Variants in DCC observed in about 807,000 individuals in gnomAD.
The protein encoded by DCC is netrin receptor DCC.
DCC carries 58 observed loss-of-function variants against 172.5 expected under a neutral mutation model. That is an observed-to-expected ratio of 0.34 (90% CI 0.27 to 0.42). The LOEUF (loss-of-function observed/expected upper bound fraction) is 0.42, where lower values mean the gene tolerates loss of function less well. DCC is among the 10% of genes least tolerant of loss of function. The pLI, the probability that DCC is intolerant of heterozygous loss-of-function variation, is 1.00. For missense variants in DCC, 1,740 were observed against 1,791.0 expected, an observed-to-expected ratio of 0.97 and a Z score of 0.51; for synonymous variants, 709 against 644.5, an observed-to-expected ratio of 1.10 and a Z score of -1.52.
intron 17 of DCC, among the ~76,000 whole-genome samples, chr18:53,396,534 C>A (rs553524599): frequency 7.2e-5 from 11 of 152,298 alleles, no homozygotes; most frequent in African/African-American, 2.4e-4. Flanking sequence ...ATCCAAATTG[C>A]TGTTCCTTCC....
intron 5 of DCC, among the ~76,000 whole-genome samples, chr18:52,947,240 A>T (rs1271814915): frequency 6.6e-6 from 1 of 152,222 alleles, no homozygotes; most frequent in South Asian, 2.1e-4. Flanking sequence ...AACATCTTTA[A>T]TTTGTAAAAA....
At chr18:52,977,065 C>G (rs2041130340) in intron 5 of DCC, among the ~76,000 whole-genome samples, 1 of 152,052 alleles carries the variant, frequency 6.6e-6, no homozygotes, top group Admixed American at 6.6e-5. Flanking sequence ...CTCAAAATGC[C>G]CTAGTCTAGG....
At chr18:52,901,554 G>T (rs929385268) in intron 2 of DCC, among the ~76,000 whole-genome samples, 1 of 152,156 alleles carries the variant, frequency 6.6e-6, no homozygotes, top group African/African-American at 2.4e-5. Flanking sequence ...CCATTATGAA[G>T]ATTAAATAAG....
intron 5 of DCC, among the ~76,000 whole-genome samples, chr18:53,025,140 G>C (rs534367621): frequency 2.4e-4 from 37 of 152,198 alleles, no homozygotes; most frequent in African/African-American, 7.7e-4. Context: ...ATTTTGGAAA[G>C]TTATAAGCAA....
intron 4 of DCC, 127 bp from the exon 5 acceptor site, chr18:52,925,107 C>T: frequency 1.1e-6 from 1 of 924,128 alleles, no homozygotes. Flanking sequence ...TTAATCAAGC[C>T]CTTATGATAC....
At chr18:52,572,371 CTG>C (rs1259529350) in intron 1 of DCC, among the ~76,000 whole-genome samples, 2 of 152,070 alleles carry the variant, frequency 1.3e-5, no homozygotes, top group Non-Finnish European at 2.9e-5. Flanking sequence ...TTAAACTACT[CTG>C]TTTTTCCAAC....
intron 9 of DCC, among the ~76,000 whole-genome samples, chr18:53,201,794 T>A (rs2055541424): frequency 6.6e-6 from 1 of 152,156 alleles, no homozygotes; most frequent in Middle Eastern, 3.2e-3. Context: ...ATAGAGCTTT[T>A]TCATAGAAAA....
intron 1 of DCC, among the ~76,000 whole-genome samples, chr18:52,487,538 CGG>C (rs2030286914): frequency 1.3e-5 from 2 of 152,152 alleles, no homozygotes; most frequent in African/African-American, 4.8e-5. Flanking sequence ...AGACCGGGCA[CGG>C]TGGCTCACGC....
chr18:52,417,624 A>C (rs1316192552), intron 1 of DCC, among the ~76,000 whole-genome samples: 1 of 151,974 alleles, frequency 6.6e-6, no homozygotes, highest in Non-Finnish European at 1.5e-5. Flanking sequence ...CATTCATTTC[A>C]TCTTCCATCA....
intron 2 of DCC, among the ~76,000 whole-genome samples, chr18:52,842,822 C>A (rs1442173761): frequency 2.0e-5 from 3 of 152,136 alleles, no homozygotes; most frequent in Non-Finnish European, 4.4e-5. Flanking sequence ...CAGGGACCTG[C>A]AACCTAGGAT....
chr18:52,923,745 C>T lies in DCC; in HGVS notation c.736C>T (p.Pro246Ser). The change falls in exon 4 of 29, where the codon CCA (proline) becomes TCA (serine). Residue 246 changes from proline to serine, a missense_variant. Pro to Ser is a moderately conservative substitution (Grantham distance 74). This residue lies in a region of DCC where 1,732 missense variants were observed against 1,767.4 expected (regional missense o/e 0.98). Transcript: ENST00000442544. ...LHRQLYFLQRPSNVVAIEGKD... is the reference protein window; with the variant it reads ...LHRQLYFLQRSSNVVAIEGKD... ...TAGACAGCTGTATTTTCTGCAAAGA[C>T]CATCCAATGTAGTAGCCATTGAAGG... The T allele has an allele frequency of 6.2e-7, 1 of 1,611,112 alleles. No homozygotes were observed. The highest frequency in any genetic ancestry group is 8.5e-7 in the Non-Finnish European group (1 of 1,177,496).
chr18:53,334,163 G>A (rs1369625378), intron 14 of DCC, among the ~76,000 whole-genome samples: 1 of 152,044 alleles, frequency 6.6e-6, no homozygotes, highest in Non-Finnish European at 1.5e-5. Flanking sequence ...CAATTTTATG[G>A]TCTCCATGTT....
At chr18:53,251,977 G>C (rs376878363) in intron 12 of DCC, among the ~76,000 whole-genome samples, 3 of 151,804 alleles carry the variant, frequency 2.0e-5, no homozygotes, top group African/African-American at 7.3e-5. Flanking sequence ...CACTGGGCTG[G>C]ATCTAGAATA....
chr18:53,395,656 T>C (rs1472215419), intron 17 of DCC, among the ~76,000 whole-genome samples: 1 of 152,194 alleles, frequency 6.6e-6, no homozygotes, highest in Non-Finnish European at 1.5e-5. Context: ...TTATTTTTTA[T>C]TTTTAAGATG....
chr18:52,889,259 A>G (rs1345489323), intron 2 of DCC, among the ~76,000 whole-genome samples: 1 of 152,120 alleles, frequency 6.6e-6, no homozygotes, highest in African/African-American at 2.4e-5. Flanking sequence ...TTCTAGCTTT[A>G]AAGTGATAAA....
chr18:52,524,273 T>A (rs1313282086), intron 1 of DCC, among the ~76,000 whole-genome samples: 1 of 152,240 alleles, frequency 6.6e-6, no homozygotes, highest in Non-Finnish European at 1.5e-5. Context: ...TCCAGCATGC[T>A]TTTATTTAAA....
chr18:52,685,536 C>G (rs1053129638), intron 1 of DCC, among the ~76,000 whole-genome samples: 1 of 152,022 alleles, frequency 6.6e-6, no homozygotes, highest in African/African-American at 2.4e-5. Flanking sequence ...GAGTAATGCC[C>G]TCTCTCAGGA....
At chr18:52,952,598 T>G (rs1396452213) in intron 5 of DCC, among the ~76,000 whole-genome samples, 2 of 152,208 alleles carry the variant, frequency 1.3e-5, no homozygotes, top group African/African-American at 4.8e-5. Flanking sequence ...GTACCCCCTT[T>G]TGTCTGTATA....
chr18:52,387,658 A>G (rs1296245223), intron 1 of DCC, among the ~76,000 whole-genome samples: 2 of 137,516 alleles, frequency 1.5e-5, no homozygotes, highest in African/African-American at 5.6e-5. Context: ...TTAATGAAGT[A>G]TGATCTATGA....
Sources: gnomAD v4.1 joint callset for allele counts (sites outside exome capture counted in the v4.1 genomes callset) on GRCh38, gnomAD v4.1.1 for gene constraint, gnomAD v4.1.1 regional missense constraint, MANE v1.5 for transcripts, NCBI Gene and HGNC (gene_info 2026-07-23, HGNC 2026-07-21) for gene names.